The following TASP1 variants were observed in gnomAD, a reference collection of about 807,000 sequenced individuals.
TASP1 encodes the protein threonine aspartase 1.
TASP1 carries 16 observed loss-of-function variants against 56.6 expected under a neutral mutation model. The ratio of observed to expected loss-of-function variants is 0.28; its 90% CI spans 0.19 to 0.43. TASP1 has a LOEUF of 0.43. TASP1 is among the 20% of genes least tolerant of loss of function. The pLI is 1.00. For missense variants in TASP1, 393 were observed against 511.6 expected (o/e 0.77, Z 2.24); for synonymous variants, 179 against 184.2 (o/e 0.97, Z 0.23).
At chr20:13,394,792 A>C (rs1182230105) in intron 13 of TASP1, among the ~76,000 whole-genome samples, 2 of 152,100 alleles carry the variant, frequency 1.3e-5, no homozygotes, top group East Asian at 3.9e-4. Context: ...CTAATTCCCT[A>C]AGAAGCACAG....
At chr20:13,523,669 A>G (rs932565748) in intron 10 of TASP1, among the ~76,000 whole-genome samples, 1 of 152,020 alleles carries the variant, frequency 6.6e-6, no homozygotes, top group African/African-American at 2.4e-5. Flanking sequence ...CTTTGAAGCT[A>G]CTCCTGGCAA....
chr20:13,453,742 T>C (rs988761441), intron 11 of TASP1, among the ~76,000 whole-genome samples: 2 of 152,094 alleles, frequency 1.3e-5, no homozygotes, highest in East Asian at 3.9e-4. Flanking sequence ...AAGATACTGA[T>C]GGTCCCAGGT....
the TASP1 span, among the ~76,000 whole-genome samples, chr20:13,153,081 A>C: frequency 6.6e-6 from 1 of 152,342 alleles, no homozygotes; most frequent in South Asian, 2.1e-4. Context: ...ATCCTGCATC[A>C]AATGCAAACT....
the TASP1 span, among the ~76,000 whole-genome samples, chr20:13,326,021 A>G: frequency 3.5e-4 from 53 of 152,290 alleles, no homozygotes; most frequent in East Asian, 7.0e-3. Context: ...TCTGTTTTCC[A>G]TCACTACAGT....
chr20:13,199,860 T>C, the TASP1 span, among the ~76,000 whole-genome samples: 1 of 152,220 alleles, frequency 6.6e-6, no homozygotes, highest in Non-Finnish European at 1.5e-5. Context: ...AGTCACTCCT[T>C]CAACCAGCCG....
the TASP1 span, among the ~76,000 whole-genome samples, chr20:13,306,755 C>G: frequency 8.6e-5 from 13 of 151,988 alleles, no homozygotes; most frequent in Non-Finnish European, 5.9e-5. Context: ...AAAAATCCTC[C>G]CTTAGAGCTG....
At chr20:13,237,089 A>G in the TASP1 span, among the ~76,000 whole-genome samples, 465 of 152,298 alleles carry the variant, frequency 3.1e-3, 2 homozygotes, top group African/African-American at 0.011. Context: ...ACTGCCCTAG[A>G]AGAGGTTCTT....
At chr20:13,549,744 A>G (rs1168104304) in intron 8 of TASP1, among the ~76,000 whole-genome samples, 1 of 152,104 alleles carries the variant, frequency 6.6e-6, no homozygotes, top group African/African-American at 2.4e-5. Context: ...TATTATACAC[A>G]AGATCAGCTG....
chr20:13,545,033 G>T (rs1349193485), intron 8 of TASP1, among the ~76,000 whole-genome samples: 1 of 144,040 alleles, frequency 6.9e-6, no homozygotes, highest in Non-Finnish European at 1.6e-5. Context: ...TTTAACATGA[G>T]ATTTTTTAAG....
At chr20:13,111,177 T>C in the TASP1 span, among the ~76,000 whole-genome samples, 3 of 152,178 alleles carry the variant, frequency 2.0e-5, no homozygotes, top group Admixed American at 6.5e-5. Flanking sequence ...ATGGTTAGGG[T>C]TCTGGATGTT....
intron 12 of TASP1, among the ~76,000 whole-genome samples, chr20:13,432,515 T>A (rs2042846453): frequency 6.6e-6 from 1 of 152,224 alleles, no homozygotes. Flanking sequence ...ATACTTCACA[T>A]TCATAACTTT....
At chr20:13,521,395 C>T (rs2044747840) in intron 10 of TASP1, among the ~76,000 whole-genome samples, 1 of 152,076 alleles carries the variant, frequency 6.6e-6, no homozygotes. Flanking sequence ...CAATGATAGA[C>T]TGGATTAAGA....
chr20:13,144,702 A>G, the TASP1 span, among the ~76,000 whole-genome samples: 3 of 152,232 alleles, frequency 2.0e-5, no homozygotes, highest in Admixed American at 6.5e-5. Flanking sequence ...TTTTTCTGAA[A>G]GGTCCAACCT....
At chr20:13,569,874 GA>G (rs2046655121) in intron 6 of TASP1, among the ~76,000 whole-genome samples, 1 of 152,076 alleles carries the variant, frequency 6.6e-6, no homozygotes, top group African/African-American at 2.4e-5. Flanking sequence ...CTTCTCAGTA[GA>G]AAACATTAAG....
intron 8 of TASP1, among the ~76,000 whole-genome samples, chr20:13,552,815 T>C (rs1256604517): frequency 1.3e-5 from 2 of 152,246 alleles, no homozygotes; most frequent in Admixed American, 1.3e-4. Flanking sequence ...CTGTTAATGT[T>C]TCTAAATGCT....
At chr20:13,185,917 C>A in the TASP1 span, among the ~76,000 whole-genome samples, 1 of 152,266 alleles carries the variant, frequency 6.6e-6, no homozygotes, top group South Asian at 2.1e-4. Context: ...AAATCCATCA[C>A]TTTTCTTGGG....
At chr20:13,162,345 T>G in the TASP1 span, among the ~76,000 whole-genome samples, 1,063 of 152,310 alleles carry the variant, frequency 7.0e-3, 16 homozygotes, top group African/African-American at 0.024. Flanking sequence ...TATTCATGTA[T>G]GTGATTCTCT....
the TASP1 span, among the ~76,000 whole-genome samples, chr20:13,225,678 G>A: frequency 6.6e-6 from 1 of 152,160 alleles, no homozygotes; most frequent in Admixed American, 6.5e-5. Context: ...GTCTTTGAAT[G>A]GTTGTCAGTA....
chr20:13,526,205 C>T (rs1217769255), intron 10 of TASP1, among the ~76,000 whole-genome samples: 1 of 152,078 alleles, frequency 6.6e-6, no homozygotes, highest in Non-Finnish European at 1.5e-5. Flanking sequence ...TCCAAATTGA[C>T]ACAATCAGGC....
Sources: gnomAD v4.1 joint callset for allele counts (sites outside exome capture counted in the v4.1 genomes callset) on GRCh38, gnomAD v4.1.1 for gene constraint, MANE v1.5 for transcripts, NCBI Gene and HGNC (gene_info 2026-07-23, HGNC 2026-07-21) for gene names.